The following DMD variants were observed in gnomAD, a reference collection of about 807,000 sequenced individuals.
The protein encoded by DMD is dystrophin.
A neutral mutation model predicts 330.1 loss-of-function variants in DMD; 63 were observed. The observed-to-expected ratio is 0.19, with a 90% confidence interval of 0.16 to 0.24. DMD has a LOEUF of 0.24. Among genes scored for constraint, DMD ranks in the 10% least tolerant of loss-of-function variants. DMD has a pLI of 1.00. For synonymous variants in DMD, 1,223 were observed against 959.8 expected, an observed-to-expected ratio of 1.27 and a Z score of -5.07; for missense variants, 3,344 against 2,684.1, an observed-to-expected ratio of 1.25 and a Z score of -5.43.
intron 47 of DMD, among the ~76,000 whole-genome samples, chrX:31,889,647 T>TCTCTCACACACA (rs796563415): frequency 2.1e-4 from 15 of 71,613 alleles, no homozygotes; most frequent in South Asian, 7.7e-4. Context: ...TCTCTCTCTC[T>TCTCTCACACACA]CACACACACA....
intron 5 of DMD, among the ~76,000 whole-genome samples, chrX:32,821,796 T>C (rs1477900883): frequency 1.8e-5 from 2 of 109,791 alleles, no homozygotes; most frequent in Non-Finnish European, 1.9e-5. Flanking sequence ...TGCCTAGGGC[T>C]GGGGTGGGAG....
At chrX:31,378,306 C>A (rs2059987286) in intron 60 of DMD, among the ~76,000 whole-genome samples, 1 of 111,227 alleles carries the variant, frequency 9.0e-6, no homozygotes, top group Admixed American at 9.6e-5. Context: ...AACATCACAC[C>A]AATTTTAAAT....
intron 29 of DMD, among the ~76,000 whole-genome samples, chrX:32,423,318 C>A (rs1376655364): frequency 9.6e-6 from 1 of 103,663 alleles, no homozygotes; most frequent in Non-Finnish European, 2.0e-5. Context: ...TATTTGAAGA[C>A]AAGATACCAT....
chrX:31,776,105 T>C (rs746727674), intron 50 of DMD, among the ~76,000 whole-genome samples: 11 of 111,715 alleles, frequency 9.8e-5, no homozygotes, highest in Non-Finnish European at 1.3e-4. Context: ...AGCAAAAAGA[T>C]CTAGAAATCT....
At chrX:31,444,744 G>T in intron 59 of DMD, 117 bp from the exon 60 acceptor site, 1 of 790,792 alleles carries the variant, frequency 1.3e-6, no homozygotes, top group Non-Finnish European at 1.9e-6. Context: ...CTATGCTACG[G>T]TTTGAATGTT....
At chrX:32,124,592 A>G (rs1300187235) in intron 44 of DMD, among the ~76,000 whole-genome samples, 1 of 112,337 alleles carries the variant, frequency 8.9e-6, no homozygotes, top group Non-Finnish European at 1.9e-5. Flanking sequence ...TTTCTCTTGA[A>G]TATTTGTTGT....
At chrX:33,317,111 G>T (rs1378297893) in intron 1 of DMD, among the ~76,000 whole-genome samples, 3 of 109,781 alleles carry the variant, frequency 2.7e-5, no homozygotes, top group South Asian at 7.6e-4. Context: ...TATTTTGAAG[G>T]TTTTTTTTCT....
intron 55 of DMD, among the ~76,000 whole-genome samples, chrX:31,577,438 C>T: frequency 8.9e-6 from 1 of 111,988 alleles, no homozygotes; most frequent in Middle Eastern, 4.7e-3. Flanking sequence ...TAATTCCATT[C>T]TAATCTAGTA....
At chrX:32,554,852 G>GAAA (rs2050023305) in intron 16 of DMD, among the ~76,000 whole-genome samples, 1 of 62,936 alleles carries the variant, frequency 1.6e-5, no homozygotes, top group Non-Finnish European at 3.6e-5. Context: ...GAGAGAGAGA[G>GAAA]AGAGAGAGAG....
At chrX:31,272,217 T>C (rs2051694024) in intron 62 of DMD, among the ~76,000 whole-genome samples, 1 of 111,968 alleles carries the variant, frequency 8.9e-6, no homozygotes, top group African/African-American at 3.2e-5. Flanking sequence ...AAGCCGAACA[T>C]CTAAAAAGAT....
At chrX:32,273,687 C>T (rs1444335529) in intron 43 of DMD, among the ~76,000 whole-genome samples, 1 of 111,282 alleles carries the variant, frequency 9.0e-6, no homozygotes, top group Non-Finnish European at 1.9e-5. Context: ...ACCCTTTGAC[C>T]CTTCTTCTGG....
At chrX:31,560,705 C>T (rs1044340073) in intron 55 of DMD, among the ~76,000 whole-genome samples, 1 of 111,356 alleles carries the variant, frequency 9.0e-6, no homozygotes, top group African/African-American at 3.3e-5. Context: ...ACCTCCTCAG[C>T]CTACTTAACG....
At chrX:31,404,896 A>G (rs1221989429) in intron 60 of DMD, among the ~76,000 whole-genome samples, 1 of 112,424 alleles carries the variant, frequency 8.9e-6, no homozygotes, top group East Asian at 2.8e-4. Context: ...GGTATTTGTC[A>G]GTGCAGAGAG....
intron 50 of DMD, among the ~76,000 whole-genome samples, chrX:31,814,844 G>A (rs2092577986): frequency 8.9e-6 from 1 of 112,064 alleles, no homozygotes. Context: ...AGGAACTTAT[G>A]GCTTTTCTTC....
rs181959617 is a variant in DMD at position 31,994,185 on chromosome X, T to C, written c.6439-25671A>G. On this transcript the variant is annotated intron_variant, in intron 44 of 78. Transcript: ENST00000357033. ...TCTGATTTTATCCCTTAGTTGCCCA[T>C]GACATTGCCTGGGAGATTTTGCAGC... Among the ~76,000 whole-genome samples, 8 of 111,798 alleles carry C rather than the reference T, an allele frequency of 7.2e-5. No individual in the cohort carries two copies. The East Asian group carries it at 2.3e-3, about 32-fold the overall frequency.
rs935626493 is a variant in DMD at position 31,875,463 on chromosome X, T to C, written c.6913-90A>G. On this transcript the variant is annotated intron_variant, in intron 47 of 78. Transcript: ENST00000357033. ...ATATATTTTCAAAAGTTATTTATCA[T>C]GAAATATTACAGAATCTTACTGATT... is the stretch of plus-strand genomic sequence containing the variant. The C allele has an allele frequency of 1.7e-5, 12 of 722,859 alleles. No homozygotes were observed. In the Admixed American group the frequency reaches 2.4e-4, roughly 14 times the overall value. 59.6% of individuals were successfully genotyped at this position (722,859 alleles called of 1,213,427 possible).
chrX:33,150,404 C>T (rs1258423233), intron 1 of DMD, among the ~76,000 whole-genome samples: 1 of 108,164 alleles, frequency 9.2e-6, no homozygotes, highest in African/African-American at 3.4e-5. Flanking sequence ...AGGGATTCTC[C>T]TGCCTCAGCC....
chrX:31,195,749 GGA>G (rs1309050701), intron 67 of DMD, among the ~76,000 whole-genome samples: 5 of 104,487 alleles, frequency 4.8e-5, no homozygotes, highest in African/African-American at 1.4e-4. Context: ...AGGGAGGGAG[GGA>G]GAGAGAGAGA....
chrX:31,943,711 C>G (rs1024911124), intron 45 of DMD, among the ~76,000 whole-genome samples: 1 of 111,074 alleles, frequency 9.0e-6, no homozygotes, highest in Non-Finnish European at 1.9e-5. Context: ...TTTTTCCCCT[C>G]TGGGCTTTAT....
Sources: allele counts gnomAD v4.1 joint callset (sites outside exome capture counted in the v4.1 genomes callset), GRCh38; gene constraint gnomAD v4.1.1; transcripts MANE v1.5; gene names NCBI Gene and HGNC (gene_info 2026-07-23, HGNC 2026-07-21).